Variants in KIAA0319 observed in about 807,000 individuals in gnomAD.
KIAA0319 encodes the protein dyslexia-associated protein KIAA0319.
A neutral mutation model predicts 108.4 loss-of-function variants in KIAA0319; 83 were observed. The observed-to-expected ratio is 0.77, with a 90% CI of 0.64 to 0.92. The LOEUF (loss-of-function observed/expected upper bound fraction) is 0.92. Among genes scored for constraint, KIAA0319 ranks in the 40% least tolerant of loss-of-function variants. The probability of loss-of-function intolerance (pLI) is 0.00; values close to 1 mark genes in which losing one functional copy is unlikely to be tolerated. For missense variants in KIAA0319, 1,195 were observed against 1,322.4 expected (o/e 0.90, Z 1.49); for synonymous variants, 484 against 510.4 (o/e 0.95, Z 0.70).
intron 4 of KIAA0319, among the ~76,000 whole-genome samples, chr6:24,584,394 G>A (rs892819077): frequency 7.2e-6 from 1 of 139,142 alleles, no homozygotes; most frequent in South Asian, 2.3e-4. Flanking sequence ...AATATATTGC[G>A]ATATGTCCAG....
chr6:24,548,573 G>A (rs184409542), intron 20 of KIAA0319, among the ~76,000 whole-genome samples: 159 of 152,280 alleles, frequency 1.0e-3, no homozygotes, highest in African/African-American at 3.5e-3. Context: ...GTGGGGTTTC[G>A]CCAGGGACTC....
Position 24,547,453 on chromosome 6 carries a change from C to A in KIAA0319, c.3041-110G>T, listed in dbSNP as rs1395212515. 6.7e-6 allele frequency: 6 copies of A among 893,140 alleles called. No homozygotes were observed. In the East Asian group the frequency reaches 1.3e-4, roughly 20 times the overall value. 55.3% of individuals were successfully genotyped at this position (893,140 alleles called of 1,614,324 possible). ...GGGCACGGAGTGGTGCTCTCCGCCCCTTGAAAGCAATCACTCAAAACAGCA... is the reference window on the plus strand; with the variant it reads ...GGGCACGGAGTGGTGCTCTCCGCCCATTGAAAGCAATCACTCAAAACAGCA... On this transcript the variant is annotated intron_variant, in intron 20 of 20. Coordinates refer to ENST00000378214, the MANE Select transcript of KIAA0319 (RefSeq NM_014809.4).
chr6:24,612,616 T>C (rs1307827051), intron 1 of KIAA0319, among the ~76,000 whole-genome samples: 3 of 152,208 alleles, frequency 2.0e-5, no homozygotes, highest in Non-Finnish European at 4.4e-5. Context: ...GCACCTTTTG[T>C]TAAGTGAAGA....
At chr6:24,610,936 AGCATG>A (rs1772211736) in intron 1 of KIAA0319, among the ~76,000 whole-genome samples, 1 of 152,224 alleles carries the variant, frequency 6.6e-6, no homozygotes, top group African/African-American at 2.4e-5. Flanking sequence ...TACATGCTAG[AGCATG>A]ATAAACTTTG....
chr6:24,566,833 C>T lies in KIAA0319; in HGVS notation c.2141-85G>A, dbSNP rs940764025. ...TAAGTGTGTCATAAAACATCCACAACTCTTCCACCTTGCAGATACAGTATG... is the reference window on the plus strand; with the variant it reads ...TAAGTGTGTCATAAAACATCCACAATTCTTCCACCTTGCAGATACAGTATG... On this transcript the variant is annotated intron_variant, in intron 13 of 20. Transcript: ENST00000378214. The T allele has an allele frequency of 4.8e-6, 6 of 1,260,964 alleles. No homozygotes were observed. The African/African-American group carries it at 7.5e-5, about 16-fold the overall frequency. 78.1% of individuals were successfully genotyped at this position (1,260,964 alleles called of 1,614,324 possible).
intron 15 of KIAA0319, 24 bp downstream of exon 15, chr6:24,564,178 C>A (rs1763523719): frequency 6.2e-7 from 1 of 1,613,768 alleles, no homozygotes; most frequent in Admixed American, 1.7e-5. Flanking sequence ...CCTGCATGGC[C>A]AGCTCCAGAG....
chr6:24,560,245 G>A (rs956819324), intron 16 of KIAA0319, among the ~76,000 whole-genome samples: 14 of 152,164 alleles, frequency 9.2e-5, no homozygotes, highest in African/African-American at 3.4e-4. Flanking sequence ...GGGTTATATG[G>A]TAGCTGTATG....
At chr6:24,640,800 A>G (rs1309269645) in intron 1 of KIAA0319, among the ~76,000 whole-genome samples, 1 of 151,868 alleles carries the variant, frequency 6.6e-6, no homozygotes, top group Non-Finnish European at 1.5e-5. Flanking sequence ...TGACAGGCAC[A>G]TACCACCAAG....
chr6:24,626,545 G>A (rs1234091380), intron 1 of KIAA0319, among the ~76,000 whole-genome samples: 1 of 152,136 alleles, frequency 6.6e-6, no homozygotes, highest in Admixed American at 6.6e-5. Context: ...AAAAAAGGGG[G>A]TGAAACTGTT....
intron 2 of KIAA0319, among the ~76,000 whole-genome samples, chr6:24,597,624 T>C (rs940974056): frequency 6.6e-6 from 1 of 152,200 alleles, no homozygotes; most frequent in East Asian, 1.9e-4. Context: ...AGCTCTTCTA[T>C]CAAACTGGAG....
rs563881076 is a variant in KIAA0319, at chr6:24,630,683, G to GTATA, written c.-106+15049_-106+15052dup. On this transcript the variant is annotated intron_variant, in intron 1 of 20. Coordinates refer to ENST00000378214, the MANE Select transcript of KIAA0319 (RefSeq NM_014809.4). ...CATTTATTCAATTGTGTGTATATGT[G>GTATA]TATATATATATATATATATACACAT... is the stretch of plus-strand genomic sequence containing the variant. Among the ~76,000 whole-genome samples, 39 of 100,692 alleles carry GTATA rather than the reference G, an allele frequency of 3.9e-4. 1 individual carries two copies. Among genetic ancestry groups the GTATA allele is most frequent in the African/African-American group, 8.3e-4 (27 of 32,694 alleles). 66.1% of individuals were successfully genotyped at this position (100,692 alleles called of 152,430 possible).
intron 1 of KIAA0319, among the ~76,000 whole-genome samples, chr6:24,619,417 T>A (rs945424529): frequency 6.6e-6 from 1 of 152,082 alleles, no homozygotes; most frequent in Non-Finnish European, 1.5e-5. Context: ...AGATGTAAGG[T>A]GTGACACAAA....
chr6:24,587,728 A>G (rs1452901344), intron 4 of KIAA0319, among the ~76,000 whole-genome samples: 7 of 152,068 alleles, frequency 4.6e-5, no homozygotes. Context: ...CTGGGGTTAC[A>G]GGTGTGTGCC....
intron 11 of KIAA0319, 70 bp from the exon 12 acceptor site, chr6:24,570,105 G>T: frequency 1.4e-6 from 2 of 1,464,666 alleles, no homozygotes; most frequent in Non-Finnish European, 1.9e-6. Context: ...GTGATTTCTT[G>T]ATTTAAGTAC....
intron 1 of KIAA0319, among the ~76,000 whole-genome samples, chr6:24,627,567 G>A (rs1774892343): frequency 1.3e-5 from 2 of 152,164 alleles, no homozygotes; most frequent in Admixed American, 6.5e-5. Flanking sequence ...TCAGAATTAG[G>A]GAACAAATGA....
rs762771255 is a variant in KIAA0319 at position 24,588,663 on chromosome 6, G to A, written c.924C>T (p.Pro308=). 5.0e-5 allele frequency: 80 copies of A among 1,613,908 alleles called. No homozygotes were observed. In the South Asian group the frequency reaches 5.3e-4, roughly 11 times the overall value. Residue 308 remains proline (P), a synonymous_variant, in exon 4 of 21, where the codon CCC becomes CCT. Coordinates refer to ENST00000378214, the MANE Select transcript of KIAA0319 (RefSeq NM_014809.4). ...TGGACTCAGAGGGGGCTGCGCTAGT[G>A]GGAGGTGTTGGGATGCTGTGCTCTG... ...GSTEHSIPTP[P]TSAAPSESTP...
intron 18 of KIAA0319, among the ~76,000 whole-genome samples, chr6:24,554,957 C>G (rs1762081009): frequency 6.6e-6 from 1 of 152,098 alleles, no homozygotes; most frequent in African/African-American, 2.4e-5. Flanking sequence ...ACATGTATAC[C>G]ACATCAAAAT....
intron 16 of KIAA0319, among the ~76,000 whole-genome samples, chr6:24,562,615 G>A (rs569257062): frequency 3.3e-4 from 51 of 152,290 alleles, no homozygotes; most frequent in Admixed American, 2.1e-3. Flanking sequence ...CTAAGTGGGC[G>A]AATCACTTGA....
chr6:24,557,684 C>G (rs568427885), intron 17 of KIAA0319, among the ~76,000 whole-genome samples: 51 of 152,132 alleles, frequency 3.4e-4, no homozygotes, highest in African/African-American at 1.1e-3. Flanking sequence ...TGGAGCATAT[C>G]CAGGGTAGAA....
Sources: allele counts gnomAD v4.1 joint callset (sites outside exome capture counted in the v4.1 genomes callset), GRCh38; gene constraint gnomAD v4.1.1; transcripts MANE v1.5; gene names NCBI Gene and HGNC (gene_info 2026-07-23, HGNC 2026-07-21).